The following USP40 variants were observed in gnomAD, a reference collection of about 807,000 sequenced individuals.
USP40 encodes the protein ubiquitin specific peptidase 40, also known as ubiquitin carboxyl-terminal hydrolase 40.
A neutral mutation model predicts 166.2 loss-of-function variants in USP40; 143 were observed. That is an observed-to-expected ratio of 0.86 (90% CI 0.75 to 0.99). USP40 has a LOEUF of 0.99. USP40 is among the 50% of genes least tolerant of loss of function. USP40 has a pLI of 0.00. For synonymous variants in USP40, 498 were observed against 524.0 expected, an observed-to-expected ratio of 0.95 and a Z score of 0.68; for missense variants, 1,444 against 1,479.7, an observed-to-expected ratio of 0.98 and a Z score of 0.40.
chr2:233,563,352 G>A (rs2071834554), intron 2 of USP40, among the ~76,000 whole-genome samples: 1 of 152,158 alleles, frequency 6.6e-6, no homozygotes. Flanking sequence ...ACATCTAGGT[G>A]ATGTGCCACC....
At chr2:233,498,474 G>T in intron 23 of USP40, 74 bp downstream of exon 23, 1 of 1,329,982 alleles carries the variant, frequency 7.5e-7, no homozygotes, top group Non-Finnish European at 1.1e-6. Flanking sequence ...TCTCATGAGT[G>T]GAATGGGTAC....
At chr2:233,562,653 C>T (rs2071750710) in intron 3 of USP40, 83 bp downstream of exon 3, 1 of 1,024,738 alleles carries the variant, frequency 9.8e-7, no homozygotes, top group Non-Finnish European at 1.3e-6. Flanking sequence ...CAGCATGGCA[C>T]ATGTATACAT....
intron 10 of USP40, 82 bp downstream of exon 10, chr2:233,540,580 C>CT: frequency 1.3e-6 from 1 of 795,678 alleles, no homozygotes; most frequent in Non-Finnish European, 2.0e-6. Context: ...TTTAAATATC[C>CT]TTCTGCAAAG....
rs927892632 is a variant in USP40, at chr2:233,476,639, C to T, written c.*753G>A. On this transcript the variant is annotated 3_prime_UTR_variant, in exon 32 of 32. Transcript: ENST00000678225. ...AGAGAGGCTGAGGCGCTGTGGACGGCAGCAGCTGCAGTCCTCGGGATCCAA... is the reference window on the plus strand; with the variant it reads ...AGAGAGGCTGAGGCGCTGTGGACGGTAGCAGCTGCAGTCCTCGGGATCCAA... 6 of 152,802 alleles carry T rather than the reference C, an allele frequency of 3.9e-5. No individual in the cohort carries two copies. Among genetic ancestry groups the T allele is most frequent in the African/African-American group, 1.4e-4 (6 of 41,464 alleles). The allele number at this position is 152,802 out of a possible 1,614,324, so 9.5% of individuals were successfully genotyped here.
chr2:233,507,403 C>T (rs1276351035), intron 21 of USP40, among the ~76,000 whole-genome samples: 1 of 151,916 alleles, frequency 6.6e-6, no homozygotes, highest in Admixed American at 6.6e-5. Flanking sequence ...TTTACAATCG[C>T]CAAGATATCA....
chr2:233,554,346 G>T, intron 6 of USP40, 34 bp downstream of exon 6: 1 of 1,573,118 alleles, frequency 6.4e-7, no homozygotes, highest in Non-Finnish European at 8.6e-7. Context: ...CTACAAAGTG[G>T]GGACCCTGGG....
In USP40 at chr2:233,529,808, C is replaced by CTT. The variant is rs1165483800; in HGVS notation, c.1472-298_1472-297dup. Among the ~76,000 whole-genome samples, 18 of 123,808 alleles carry CTT rather than the reference C, an allele frequency of 1.5e-4. No homozygotes were observed. The South Asian group carries it at 1.9e-3, about 13-fold the overall frequency. 81.2% of individuals were successfully genotyped at this position (123,808 alleles called of 152,430 possible). A position where few individuals can be genotyped will look rare whatever the true frequency, so the allele number is the denominator to read the frequency against. On this transcript the variant is annotated intron_variant, in intron 11 of 31. Coordinates refer to ENST00000678225, the MANE Select transcript of USP40 (RefSeq NM_001365479.2). ...ATTTTCATCTTTTTTTTTTCTTTTT[C>CTT]TTTTTCTTTTTTTTTTTGAGACGGA... is the stretch of plus-strand genomic sequence containing the variant.
chr2:233,515,028 C>T (rs2067090531), intron 18 of USP40, among the ~76,000 whole-genome samples: 1 of 152,160 alleles, frequency 6.6e-6, no homozygotes, highest in South Asian at 2.1e-4. Flanking sequence ...CATCTACTTT[C>T]TTTCTCTTGG....
intron 25 of USP40, among the ~76,000 whole-genome samples, chr2:233,492,478 C>T (rs1269400424): frequency 6.6e-6 from 1 of 152,212 alleles, no homozygotes; most frequent in Non-Finnish European, 1.5e-5. Context: ...ACTGATTAAA[C>T]ATGCTTTTAC....
At chr2:233,487,108 A>G (rs546523392) in intron 28 of USP40, among the ~76,000 whole-genome samples, 4 of 152,366 alleles carry the variant, frequency 2.6e-5, no homozygotes, top group African/African-American at 9.6e-5. Context: ...CCATTGTGAC[A>G]AAGGGTCAAA....
intron 24 of USP40, among the ~76,000 whole-genome samples, chr2:233,494,961 TA>T (rs2065638756): frequency 8.4e-5 from 5 of 59,758 alleles, no homozygotes; most frequent in South Asian, 4.4e-4. Context: ...TATATTTATA[TA>T]TATATATATA....
Position 233,488,282 on chromosome 2 carries a change from T to C in USP40, c.3154A>G (p.Ile1052Val). The C allele has an allele frequency of 3.7e-6, 6 of 1,602,562 alleles. No individual in the cohort carries two copies. Among genetic ancestry groups the C allele is most frequent in the Non-Finnish European group, 5.1e-6 (6 of 1,173,902 alleles). ...TGAAGGGGCTCTAAGCAGATCTCAATTCTCCGTCCTAGTTTATATTCCCTG... is the reference window on the plus strand; with the variant it reads ...TGAAGGGGCTCTAAGCAGATCTCAACTCTCCGTCCTAGTTTATATTCCCTG... ...PLREYKLGRRIEICLEPLQKG... is the reference protein window; with the variant it reads ...PLREYKLGRRVEICLEPLQKG... Residue 1052 changes from isoleucine to valine, a missense_variant, in exon 28 of 32, where the codon ATT becomes GTT. Coordinates refer to ENST00000678225, the MANE Select transcript of USP40 (RefSeq NM_001365479.2).
Position 233,527,576 on chromosome 2 carries a change from G to T in USP40, c.1556C>A (p.Ala519Glu). 2 of 1,600,892 alleles carry T rather than the reference G, an allele frequency of 1.2e-6. No individual in the cohort carries two copies. The highest frequency in any genetic ancestry group is 1.7e-6 in the Non-Finnish European group (2 of 1,175,178). The stretch of plus-strand genomic sequence containing the variant: ...AGTATTGTTTGCAGAATCACATTCT[G>T]CCCTTTAAAGAGGCACAAAAATACA... The part of the protein sequence containing the change: ...AANIELQTKR[A>E]ECDSANNTFE... Residue 519 changes from alanine to glutamate, a missense_variant and splice_region_variant, in exon 13 of 32, where the codon GCA becomes GAA. Physicochemically the swap from Ala to Glu is moderately radical, Grantham distance 107. Coordinates refer to ENST00000678225, the MANE Select transcript of USP40 (RefSeq NM_001365479.2).
At chr2:233,546,849 G>A (rs888003590) in intron 8 of USP40, 2 of 152,172 alleles carry the variant, frequency 1.3e-5, no homozygotes, top group Non-Finnish European at 2.9e-5. Context: ...AATACAAGAA[G>A]GTAGTTTGAG....
At chr2:233,519,541 C>T (rs1243141549) in intron 18 of USP40, 73 bp downstream of exon 18, 2 of 964,926 alleles carry the variant, frequency 2.1e-6, no homozygotes, top group Admixed American at 4.9e-5. Context: ...TTTTTGTATT[C>T]TCCTATATTT....
At chr2:233,495,435 T>G (rs2065690598) in intron 24 of USP40, among the ~76,000 whole-genome samples, 1 of 152,070 alleles carries the variant, frequency 6.6e-6, no homozygotes, top group Non-Finnish European at 1.5e-5. Flanking sequence ...AAATTTTTAT[T>G]GAAAAGAGAC....
At chr2:233,558,517 C>T (rs1320358392) in intron 4 of USP40, among the ~76,000 whole-genome samples, 2 of 152,128 alleles carry the variant, frequency 1.3e-5, no homozygotes, top group Non-Finnish European at 1.5e-5. Flanking sequence ...TACGAGACCA[C>T]CTATTGGATC....
In USP40 at chr2:233,500,048, CAT is replaced by C. The variant is rs886882769; in HGVS notation, c.2614-135_2614-134del. 5.9e-6 allele frequency: 4 copies of C among 673,154 alleles called. No homozygotes were observed. The Admixed American group carries it at 1.3e-4, about 22-fold the overall frequency. The allele number at this position is 673,154 out of a possible 1,614,324, so 41.7% of individuals were successfully genotyped here. ...TGATTCTTGAATAGGCAAGGATAGA[CAT>C]AGTTAAGAAGATAATACACGAGTCA... On this transcript the variant is annotated intron_variant, in intron 21 of 31. Coordinates refer to ENST00000678225, the MANE Select transcript of USP40 (RefSeq NM_001365479.2).
intron 6 of USP40, among the ~76,000 whole-genome samples, chr2:233,553,063 G>GGCCATAGGTAC (rs531183490): frequency 3.5e-5 from 1 of 28,226 alleles, no homozygotes; most frequent in Admixed American, 3.9e-4. Context: ...TGATGCCATA[G>GGCCATAGGTAC]AAGCTGAGAA....
Sources: gnomAD v4.1 joint callset for allele counts (sites outside exome capture counted in the v4.1 genomes callset) on GRCh38, gnomAD v4.1.1 for gene constraint, MANE v1.5 for transcripts, NCBI Gene and HGNC (gene_info 2026-07-23, HGNC 2026-07-21) for gene names.